The following PCDHA11 variants were observed in gnomAD, a reference collection of about 807,000 sequenced individuals.
PCDHA11 encodes the protein protocadherin alpha 11, also known as protocadherin alpha-11.
PCDHA11 carries 61 observed loss-of-function variants against 70.3 expected under a neutral mutation model. That is an observed-to-expected ratio of 0.87 (90% confidence interval 0.71 to 1.07). PCDHA11 has a LOEUF of 1.07. Among genes scored for constraint, PCDHA11 ranks in the 50% least tolerant of loss-of-function variants. The pLI is 0.00. For synonymous variants in PCDHA11, 633 were observed against 555.1 expected, an observed-to-expected ratio of 1.14 and a Z score of -1.97; for missense variants, 1,324 against 1,237.5, an observed-to-expected ratio of 1.07 and a Z score of -1.05.
At chr5:140,928,374 C>A in intron 1 of PCDHA11, 1 of 1,614,172 alleles carries the variant, frequency 6.2e-7, no homozygotes, top group Non-Finnish European at 8.5e-7. Context: ...GGCCATCAGC[C>A]TCTAGCTTGC....
chr5:140,993,133 C>T (rs2097542175), intron 3 of PCDHA11, among the ~76,000 whole-genome samples: 1 of 152,190 alleles, frequency 6.6e-6, no homozygotes, highest in East Asian at 1.9e-4. Context: ...CCTTCTGTTG[C>T]AACAAGTATA....
In PCDHA11 at chr5:140,869,484, C is replaced by A; in HGVS notation, c.381C>A (p.Asn127Lys). Residue 127 changes from asparagine to lysine, a missense_variant, in exon 1 of 4, where the codon AAC becomes AAA. Coordinates refer to ENST00000398640, the MANE Select transcript of PCDHA11 (RefSeq NM_018902.5). ...TGAACGTGGAGGTGAAGGACATTAA[C>A]GACAACCCGCCGGTGTTCTCGCTCA... is the stretch of plus-strand genomic sequence containing the variant. ...FHVNVEVKDI[N>K]DNPPVFSLRE... 1.2e-6 allele frequency: 2 copies of A among 1,613,948 alleles called. No homozygotes were observed. The highest frequency in any genetic ancestry group is 1.7e-6 in the Non-Finnish European group (2 of 1,179,806).
chr5:140,903,760 C>T (rs1252310927), intron 1 of PCDHA11, among the ~76,000 whole-genome samples: 2 of 152,108 alleles, frequency 1.3e-5, no homozygotes, highest in Non-Finnish European at 2.9e-5. Flanking sequence ...TTGATTTTTG[C>T]TGAACTTTTC....
Position 140,902,287 on chromosome 5 carries a change from C to T in PCDHA11, c.2391+30793C>T, listed in dbSNP as rs150308530. Among the ~76,000 whole-genome samples the T allele has an allele frequency of 1.9e-3, 280 of 150,946 alleles. 2 individuals are homozygous for T. The highest frequency in any genetic ancestry group is 6.5e-3 in the African/African-American group (266 of 41,018). ...TCCTGGGCTCAAGCAATCCTCCTGC[C>T]TCAGCCTCCCAAAGTGCTGGGATTA... is the stretch of plus-strand genomic sequence containing the variant. On this transcript the variant is annotated intron_variant, in intron 1 of 3. Transcript: ENST00000398640.
intron 3 of PCDHA11, among the ~76,000 whole-genome samples, chr5:140,989,861 C>G (rs1449611550): frequency 6.6e-6 from 1 of 152,042 alleles, no homozygotes; most frequent in Non-Finnish European, 1.5e-5. Context: ...GGAGAGGAAT[C>G]TTTCTCTGCC....
At chr5:140,985,582 C>T (rs2097158950) in intron 3 of PCDHA11, among the ~76,000 whole-genome samples, 1 of 152,116 alleles carries the variant, frequency 6.6e-6, no homozygotes, top group Admixed American at 6.5e-5. Context: ...CCTAAGCCTC[C>T]TTATACTTGC....
intron 2 of PCDHA11, among the ~76,000 whole-genome samples, chr5:140,979,710 A>C (rs1178718053): frequency 1.3e-5 from 2 of 152,268 alleles, no homozygotes; most frequent in African/African-American, 4.8e-5. Flanking sequence ...GAGGTGATCC[A>C]GTATCCATGC....
chr5:140,935,828 A>G (rs1365293166), intron 1 of PCDHA11, among the ~76,000 whole-genome samples: 1 of 152,004 alleles, frequency 6.6e-6, no homozygotes, highest in Non-Finnish European at 1.5e-5. Context: ...GTATTTACAC[A>G]TATTCCATAC....
intron 1 of PCDHA11, among the ~76,000 whole-genome samples, chr5:140,893,912 G>A (rs1254345100): frequency 6.6e-6 from 1 of 152,124 alleles, no homozygotes; most frequent in Non-Finnish European, 1.5e-5. Flanking sequence ...TGAATTTGTG[G>A]TCTTTTTCAG....
At chr5:140,996,590 C>G (rs1325471388) in intron 3 of PCDHA11, among the ~76,000 whole-genome samples, 7 of 152,096 alleles carry the variant, frequency 4.6e-5, no homozygotes, top group African/African-American at 1.7e-4. Context: ...CAAGGGCCGC[C>G]TCCCCCCATT....
chr5:140,923,557 A>C (rs1462470621), intron 1 of PCDHA11, among the ~76,000 whole-genome samples: 1 of 152,200 alleles, frequency 6.6e-6, no homozygotes, highest in African/African-American at 2.4e-5. Context: ...AATATCAGCA[A>C]TGAAAGGTCC....
At chr5:141,000,921 C>T (rs562554000) in intron 3 of PCDHA11, among the ~76,000 whole-genome samples, 1 of 152,006 alleles carries the variant, frequency 6.6e-6, no homozygotes, top group Non-Finnish European at 1.5e-5. Flanking sequence ...AAAAAAAAAT[C>T]CTGTGTGATT....
chr5:140,989,727 A>G (rs1203211477), intron 3 of PCDHA11, among the ~76,000 whole-genome samples: 2 of 152,308 alleles, frequency 1.3e-5, no homozygotes, highest in East Asian at 3.9e-4. Flanking sequence ...TTTGCAGTTG[A>G]AAAGGCCATT....
intron 1 of PCDHA11, among the ~76,000 whole-genome samples, chr5:140,957,050 A>T (rs246010): frequency 0.56 from 85,650 of 151,948 alleles, 24,767 homozygotes; most frequent in African/African-American, 0.69. Context: ...TATAAAATAA[A>T]TTATAAATGT....
At chr5:140,975,523 A>T (rs1275717294) in intron 1 of PCDHA11, among the ~76,000 whole-genome samples, 1 of 152,196 alleles carries the variant, frequency 6.6e-6, no homozygotes, top group African/African-American at 2.4e-5. Flanking sequence ...TCTGCAGTGG[A>T]TATATTCTTA....
In PCDHA11 at chr5:140,928,114, A is replaced by C. The variant is rs200013855; in HGVS notation, c.2392-50835A>C. ...TGATGGGCCCCTGGACCGGGAGCAG[A>C]TCAGTGAATACCAAGTCCTGATCAC... On this transcript the variant is annotated intron_variant, in intron 1 of 3. Coordinates refer to ENST00000398640, the MANE Select transcript of PCDHA11 (RefSeq NM_018902.5). 280 of 1,614,088 alleles carry C rather than the reference A, an allele frequency of 1.7e-4. No individual in the cohort carries two copies. Among genetic ancestry groups the C allele is most frequent in the Middle Eastern group, 6.6e-4 (4 of 6,084 alleles).
chr5:140,892,237 A>G (rs1288947116), intron 1 of PCDHA11, among the ~76,000 whole-genome samples: 13 of 152,180 alleles, frequency 8.5e-5, no homozygotes, highest in Non-Finnish European at 7.4e-5. Context: ...TTGTCTCCAC[A>G]TAAACCTGGT....
intron 1 of PCDHA11, among the ~76,000 whole-genome samples, chr5:140,942,450 C>A (rs1017198131): frequency 6.6e-6 from 1 of 151,378 alleles, no homozygotes; most frequent in African/African-American, 2.4e-5. Flanking sequence ...AGTAAACTAT[C>A]AATTATAATA....
At position 140,869,484 on chromosome 5, in the gene PCDHA11, C is replaced by T. The variant is rs782167038; in HGVS notation, c.381C>T (p.Asn127=). 2 of 1,613,948 alleles carry T rather than the reference C, an allele frequency of 1.2e-6. No individual in the cohort carries two copies. The highest frequency in any genetic ancestry group is 2.2e-5 in the South Asian group (2 of 91,084). ...FHVNVEVKDI[N]DNPPVFSLRE... ...TGAACGTGGAGGTGAAGGACATTAACGACAACCCGCCGGTGTTCTCGCTCA... is the reference window on the plus strand; with the variant it reads ...TGAACGTGGAGGTGAAGGACATTAATGACAACCCGCCGGTGTTCTCGCTCA... Residue 127 remains asparagine, a synonymous_variant, in exon 1 of 4, where the codon AAC becomes AAT. Transcript: ENST00000398640.
Sources: gnomAD v4.1 joint callset for allele counts (sites outside exome capture counted in the v4.1 genomes callset) on GRCh38, gnomAD v4.1.1 for gene constraint, MANE v1.5 for transcripts, NCBI Gene and HGNC (gene_info 2026-07-23, HGNC 2026-07-21) for gene names.